Variants in PDE4B observed in about 807,000 individuals in gnomAD.
PDE4B encodes the protein 3',5'-cyclic-AMP phosphodiesterase 4B.
PDE4B carries 20 observed loss-of-function variants against 82.2 expected under a neutral mutation model. That is an observed-to-expected ratio of 0.24 (90% CI 0.17 to 0.35). The LOEUF is 0.35. Ranked by LOEUF, PDE4B falls within the 10% of genes least tolerant of loss-of-function variation. The pLI, the probability that PDE4B is intolerant of heterozygous loss-of-function variation, is 1.00. For synonymous variants in PDE4B, 320 were observed against 318.9 expected, an observed-to-expected ratio of 1.00 and a Z score of -0.04; for missense variants, 655 against 907.2, an observed-to-expected ratio of 0.72 and a Z score of 3.57.
rs74085354 is a variant in PDE4B, at chr1:65,803,983, G to A, written c.-71+10735G>A. 3.3e-3 allele frequency among the ~76,000 whole-genome samples: 497 copies of A among 152,314 alleles called. 1 individual carries two copies. The highest frequency in any genetic ancestry group is 0.011 in the African/African-American group (476 of 41,568). On this transcript the variant is annotated intron_variant, in intron 1 of 16. Transcript: ENST00000341517. ...GCTTGACTTTGAGCCAGGGAGCAAG[G>A]CTTGTGTCTTAGTTTTGTCACTAAC...
At chr1:65,809,299 C>T (rs1645792190) in intron 1 of PDE4B, among the ~76,000 whole-genome samples, 1 of 119,552 alleles carries the variant, frequency 8.4e-6, no homozygotes, top group Admixed American at 1.1e-4. Context: ...CCACTGCAAT[C>T]TAGCCTGGGT....
chr1:66,134,368 C>A (rs947979581), intron 3 of PDE4B, among the ~76,000 whole-genome samples: 5 of 152,182 alleles, frequency 3.3e-5, no homozygotes, highest in Non-Finnish European at 5.9e-5. Flanking sequence ...AAAGGTACCA[C>A]GGCCTTTTAC....
intron 3 of PDE4B, among the ~76,000 whole-genome samples, chr1:66,053,487 C>T (rs1655143464): frequency 6.6e-6 from 1 of 152,124 alleles, no homozygotes; most frequent in African/African-American, 2.4e-5. Flanking sequence ...CCATTATTAT[C>T]AATGGCATTT....
rs71058436 is a variant in PDE4B, at chr1:65,924,077, A to ATTTTTTTTTT, written c.281+5248_281+5257dup. On this transcript the variant is annotated intron_variant, in intron 3 of 16. Transcript: ENST00000341517. ...TTCTAATCTGCCTTCCAGTTTGCTAATTTTTTTTTTTTTTTGAGACGGAGT... is the reference window on the plus strand; with the variant it reads ...TTCTAATCTGCCTTCCAGTTTGCTAATTTTTTTTTTTTTTTTTTTTTTTTTGAGACGGAGT... Among the ~76,000 whole-genome samples the ATTTTTTTTTT allele has an allele frequency of 0.011, 430 of 40,774 alleles. 123 individuals are homozygous for ATTTTTTTTTT. In the South Asian group the frequency reaches 0.12, roughly 11 times the overall value. The allele number at this position is 40,774 out of a possible 152,430, so 26.7% of individuals were successfully genotyped here.
At chr1:65,957,071 T>A (rs191509181) in intron 3 of PDE4B, among the ~76,000 whole-genome samples, 19 of 152,222 alleles carry the variant, frequency 1.2e-4, no homozygotes, top group African/African-American at 4.6e-4. Context: ...TTGTTCTCTT[T>A]TGTTTTTCTT....
At chr1:66,196,546 CT>C (rs1648309586) in intron 3 of PDE4B, among the ~76,000 whole-genome samples, 1 of 152,144 alleles carries the variant, frequency 6.6e-6, no homozygotes, top group African/African-American at 2.4e-5. Flanking sequence ...AGTTTGGTCC[CT>C]CCTCCCCCAA....
intron 3 of PDE4B, among the ~76,000 whole-genome samples, chr1:66,127,006 G>C (rs1396538766): frequency 1.3e-5 from 2 of 151,874 alleles, no homozygotes; most frequent in Non-Finnish European, 2.9e-5. Flanking sequence ...AAAGAGGGGG[G>C]AACTATTATA....
intron 1 of PDE4B, among the ~76,000 whole-genome samples, chr1:65,852,376 G>T (rs1348143310): frequency 6.6e-6 from 1 of 151,836 alleles, no homozygotes; most frequent in Non-Finnish European, 1.5e-5. Context: ...TTTGAATAAA[G>T]AATTCAATAT....
At position 66,374,098 on chromosome 1, in the gene PDE4B, G is replaced by C. The variant is rs183451410; in HGVS notation, c.*1420G>C. On this transcript the variant is annotated 3_prime_UTR_variant, in exon 17 of 17. Coordinates refer to ENST00000341517, the MANE Select transcript of PDE4B (RefSeq NM_002600.4). ...GGATCCTACTATCATTGTGGCTTTG[G>C]TTCAAAAGGAAACACTACATTTGCT... 1 of 152,678 alleles carries C rather than the reference G, an allele frequency of 6.5e-6. No homozygotes were observed. Among genetic ancestry groups the C allele is most frequent in the Admixed American group, 6.5e-5 (1 of 15,292 alleles). The allele number at this position is 152,678 out of a possible 1,614,324, so 9.5% of individuals were successfully genotyped here. A position where few individuals can be genotyped will look rare whatever the true frequency, so the allele number is the denominator to read the frequency against.
intron 3 of PDE4B, among the ~76,000 whole-genome samples, chr1:65,939,270 C>T (rs1020083852): frequency 7.2e-5 from 11 of 152,112 alleles, no homozygotes; most frequent in Non-Finnish European, 1.6e-4. Flanking sequence ...TTGCAGCTTC[C>T]TCCAAGTCTA....
intron 7 of PDE4B, among the ~76,000 whole-genome samples, chr1:66,284,369 A>G (rs143765480): frequency 1.3e-5 from 2 of 152,330 alleles, no homozygotes; most frequent in East Asian, 3.9e-4. Flanking sequence ...AGGAGACTAC[A>G]TATTAATTCT....
intron 3 of PDE4B, among the ~76,000 whole-genome samples, chr1:66,131,268 T>C (rs115088154): frequency 0.011 from 1,665 of 152,102 alleles, 30 homozygotes; most frequent in African/African-American, 0.038. Context: ...TAGAAGAAGA[T>C]TTTCACACCA....
At chr1:66,164,811 C>T (rs1451440421) in intron 3 of PDE4B, among the ~76,000 whole-genome samples, 35 of 135,952 alleles carry the variant, frequency 2.6e-4, no homozygotes, top group African/African-American at 9.5e-4. Context: ...GGCTGGAGTG[C>T]AGTGGCGCGC....
At chr1:65,903,207 A>G (rs960966981) in intron 1 of PDE4B, among the ~76,000 whole-genome samples, 1 of 152,148 alleles carries the variant, frequency 6.6e-6, no homozygotes, top group Admixed American at 6.6e-5. Flanking sequence ...TAAAATAGTT[A>G]AAAATTAGAT....
rs146756392 is a variant in PDE4B, at chr1:66,304,958, T to A, written c.635-27550T>A. On this transcript the variant is annotated intron_variant, in intron 7 of 16. Transcript: ENST00000341517. ...AGTATTATTTGGCTATTTAAGCTTT[T>A]CCTGTGCCAGGCACTGTTATAGGTA... 7.2e-5 allele frequency among the ~76,000 whole-genome samples: 11 copies of A among 152,252 alleles called. No individual in the cohort carries two copies. In the East Asian group the frequency reaches 1.9e-3, roughly 27 times the overall value.
At chr1:66,178,401 C>T (rs1005883045) in intron 3 of PDE4B, among the ~76,000 whole-genome samples, 9 of 152,014 alleles carry the variant, frequency 5.9e-5, no homozygotes, top group South Asian at 2.1e-4. Flanking sequence ...AACTCGGTTC[C>T]GTGTTATTCT....
chr1:66,041,819 CACACACACAT>C (rs1470347894), intron 3 of PDE4B, among the ~76,000 whole-genome samples: 58 of 88,978 alleles, frequency 6.5e-4, no homozygotes, highest in Non-Finnish European at 1.1e-3. Flanking sequence ...CACACACACA[CACACACACAT>C]ACACACACAC....
chr1:65,859,633 A>T (rs1049209711), intron 1 of PDE4B, among the ~76,000 whole-genome samples: 22 of 152,194 alleles, frequency 1.4e-4, no homozygotes, highest in Non-Finnish European at 2.9e-4. Context: ...AAAAAAGGAA[A>T]ATAACAAAAA....
intron 3 of PDE4B, among the ~76,000 whole-genome samples, chr1:66,159,101 C>T (rs906622182): frequency 6.6e-6 from 1 of 152,034 alleles, no homozygotes; most frequent in African/African-American, 2.4e-5. Flanking sequence ...AAAGTTATCA[C>T]CACAAAGAAT....
Sources: allele counts gnomAD v4.1 joint callset (sites outside exome capture counted in the v4.1 genomes callset), GRCh38; gene constraint gnomAD v4.1.1; transcripts MANE v1.5; gene names NCBI Gene and HGNC (gene_info 2026-07-23, HGNC 2026-07-21).